Variants in AGBL4 observed in about 807,000 individuals in gnomAD.
AGBL4 encodes AGBL carboxypeptidase 4.
In AGBL4, 58 loss-of-function variants were observed where a neutral mutation model predicts 66.4. The observed-to-expected ratio is 0.87, with a 90% confidence interval of 0.71 to 1.09. The LOEUF (loss-of-function observed/expected upper bound fraction) is 1.09. AGBL4 is among the 50% of genes least tolerant of loss of function. The pLI is 0.00. For synonymous variants in AGBL4, 234 were observed against 222.9 expected, an observed-to-expected ratio of 1.05 and a Z score of -0.44; for missense variants, 579 against 631.0, an observed-to-expected ratio of 0.92 and a Z score of 0.88.
At chr1:49,030,684 C>A (rs1203053974) in intron 5 of AGBL4, among the ~76,000 whole-genome samples, 1 of 151,874 alleles carries the variant, frequency 6.6e-6, no homozygotes, top group African/African-American at 2.4e-5. Context: ...CATCCCGAAA[C>A]CACCCCCACC....
Position 48,736,476 on chromosome 1 carries a change from A to G in AGBL4, c.635-73235T>C, listed in dbSNP as rs1197060909. On this transcript the variant is annotated intron_variant, in intron 6 of 13. Transcript: ENST00000371839. This position sits in a 1 kb window ranked among gnomAD's most constrained non-coding sequence, Gnocchi z 4.0. ...ACCTGAGAGGAATAAGAACACCAGCACCTGTTTAGTCCGACAGGAGGGCAG... is the reference window on the plus strand; with the variant it reads ...ACCTGAGAGGAATAAGAACACCAGCGCCTGTTTAGTCCGACAGGAGGGCAG... 3.7e-6 allele frequency: 6 copies of G among 1,606,876 alleles called. No individual in the cohort carries two copies. In the Admixed American group the frequency reaches 6.7e-5, roughly 18 times the overall value.
In AGBL4 at chr1:48,736,312, G is replaced by A. The variant is rs114450193; in HGVS notation, c.635-73071C>T. The A allele has an allele frequency of 3.8e-3, 6,099 of 1,614,010 alleles. 21 individuals carry two copies. The highest frequency in any genetic ancestry group is 4.8e-3 in the Non-Finnish European group (5,627 of 1,179,974). On this transcript the variant is annotated intron_variant, in intron 6 of 13. Coordinates refer to ENST00000371839, the MANE Select transcript of AGBL4 (RefSeq NM_032785.4). This position sits in a 1 kb window ranked among gnomAD's most constrained non-coding sequence, Gnocchi z 4.0. Reference sequence around the variant, plus strand: ...CATCTTTCTTTTTTTTTGTGGCGACGCCTGTGACGCTTCTGTTTTTCAGAA... The same window carrying A: ...CATCTTTCTTTTTTTTTGTGGCGACACCTGTGACGCTTCTGTTTTTCAGAA...
chr1:48,891,422 A>G (rs1172447857), intron 5 of AGBL4, among the ~76,000 whole-genome samples: 1 of 152,154 alleles, frequency 6.6e-6, no homozygotes, highest in Non-Finnish European at 1.5e-5. Context: ...CTAAGCACGT[A>G]TTTTGGACCA....
intron 5 of AGBL4, among the ~76,000 whole-genome samples, chr1:48,873,622 T>C (rs72682909): frequency 0.077 from 11,741 of 152,170 alleles, 645 homozygotes; most frequent in East Asian, 0.19. Context: ...TCAGATTTGG[T>C]GATTACTTGC....
chr1:48,980,747 A>G (rs1659696122), intron 5 of AGBL4, among the ~76,000 whole-genome samples: 1 of 15,168 alleles, frequency 6.6e-5, no homozygotes, highest in Non-Finnish European at 1.6e-4. Context: ...ATATATATAT[A>G]TATATATATA....
chr1:49,069,209 T>C (rs932120222), intron 4 of AGBL4, among the ~76,000 whole-genome samples: 4 of 152,220 alleles, frequency 2.6e-5, no homozygotes. Context: ...GTAGTTTCTT[T>C]TGCTGTGCAG....
chr1:49,838,512 G>T (rs1645909869), intron 2 of AGBL4, among the ~76,000 whole-genome samples: 1 of 152,166 alleles, frequency 6.6e-6, no homozygotes, highest in South Asian at 2.1e-4. Flanking sequence ...CAAATGACCT[G>T]CACAAGATAT....
intron 3 of AGBL4, among the ~76,000 whole-genome samples, chr1:49,362,867 C>T (rs2148539100): frequency 6.6e-6 from 1 of 152,256 alleles, no homozygotes; most frequent in South Asian, 2.1e-4. Flanking sequence ...GAGAAAATGT[C>T]TTTTCAACAT....
At chr1:49,940,519 C>T (rs1654639581) in intron 1 of AGBL4, among the ~76,000 whole-genome samples, 1 of 152,164 alleles carries the variant, frequency 6.6e-6, no homozygotes, top group South Asian at 2.1e-4. Context: ...TACTATGCAG[C>T]CATAAAAAAT....
At chr1:49,184,019 A>G (rs1329073765) in intron 4 of AGBL4, among the ~76,000 whole-genome samples, 1 of 152,206 alleles carries the variant, frequency 6.6e-6, no homozygotes, top group African/African-American at 2.4e-5. Context: ...AAGGTTTCTC[A>G]AGGCTGGGAC....
chr1:48,724,449 A>C (rs1647198965), intron 6 of AGBL4, among the ~76,000 whole-genome samples: 3 of 152,164 alleles, frequency 2.0e-5, no homozygotes, highest in Non-Finnish European at 4.4e-5. Context: ...TGGGCAGCTG[A>C]CCAGGTGGTT....
At chr1:48,894,635 G>C (rs748791351) in intron 5 of AGBL4, among the ~76,000 whole-genome samples, 1 of 152,056 alleles carries the variant, frequency 6.6e-6, no homozygotes, top group Non-Finnish European at 1.5e-5. Context: ...AAAAAAAAAG[G>C]TTGATTATAC....
rs72899934 is a variant in AGBL4, at chr1:49,398,798, A to T, written c.283-152934T>A. Reference sequence around the variant, plus strand: ...TACTGTAGAACAATCACCTCAGGATAAAAAGGGTGTCCATCATCTCAAGCA... The same window carrying T: ...TACTGTAGAACAATCACCTCAGGATTAAAAGGGTGTCCATCATCTCAAGCA... On this transcript the variant is annotated intron_variant, in intron 3 of 13. Transcript: ENST00000371839. Among the ~76,000 whole-genome samples the T allele has an allele frequency of 8.9e-3, 1,357 of 152,284 alleles. 19 individuals are homozygous for T. Among genetic ancestry groups the T allele is most frequent in the Middle Eastern group, 0.024 (7 of 294 alleles).
intron 9 of AGBL4, among the ~76,000 whole-genome samples, chr1:48,601,353 A>G (rs1051194568): frequency 6.6e-6 from 1 of 152,232 alleles, no homozygotes; most frequent in Non-Finnish European, 1.5e-5. Context: ...GTGACAGCTT[A>G]TACACTGTCA....
chr1:49,641,042 A>C (rs1280680543), intron 3 of AGBL4, among the ~76,000 whole-genome samples: 1 of 152,116 alleles, frequency 6.6e-6, no homozygotes, highest in Non-Finnish European at 1.5e-5. Context: ...TTCCCCACAT[A>C]ATAAACCTGC....
intron 3 of AGBL4, among the ~76,000 whole-genome samples, chr1:49,439,426 T>G (rs934579489): frequency 6.6e-6 from 1 of 152,066 alleles, no homozygotes. Context: ...TTGGTCTCTT[T>G]GTCTTCTACT....
intron 8 of AGBL4, among the ~76,000 whole-genome samples, chr1:48,638,900 A>G (rs1288487662): frequency 1.3e-5 from 2 of 152,054 alleles, no homozygotes; most frequent in Non-Finnish European, 2.9e-5. Context: ...GTAAACCTCA[A>G]TTTTCTAGTG....
intron 2 of AGBL4, among the ~76,000 whole-genome samples, chr1:49,752,954 A>G (rs935159722): frequency 2.6e-5 from 4 of 152,180 alleles, no homozygotes; most frequent in African/African-American, 9.7e-5. Flanking sequence ...TTTTGAGCCT[A>G]TGTGTGTCTT....
chr1:49,180,907 T>G (rs182842250), intron 4 of AGBL4, among the ~76,000 whole-genome samples: 1 of 152,340 alleles, frequency 6.6e-6, no homozygotes, highest in East Asian at 1.9e-4. Context: ...GAGCTGATAT[T>G]TGTTCAGGCA....
Sources: gnomAD v4.1 joint callset for allele counts (sites outside exome capture counted in the v4.1 genomes callset) on GRCh38, gnomAD v4.1.1 for gene constraint, Gnocchi (gnomAD v3.1) non-coding constraint, MANE v1.5 for transcripts, NCBI Gene and HGNC (gene_info 2026-07-23, HGNC 2026-07-21) for gene names.